HTR2C: variants seen among roughly 807,000 people sequenced by gnomAD.
HTR2C encodes 5-hydroxytryptamine (serotonin) receptor 2C, G protein-coupled.
In HTR2C, 5 loss-of-function variants were observed where a neutral mutation model predicts 21.0. The observed-to-expected ratio is 0.24, with a 90% CI of 0.12 to 0.50. The LOEUF is 0.50. Among genes scored for constraint, HTR2C ranks in the 20% least tolerant of loss-of-function variants. HTR2C has a pLI of 0.98. For missense variants in HTR2C, 271 were observed against 371.2 expected, an observed-to-expected ratio of 0.73 and a Z score of 2.22; for synonymous variants, 150 against 145.3, an observed-to-expected ratio of 1.03 and a Z score of -0.23.
At chrX:114,607,797 G>T (rs1430767238) in intron 1 of HTR2C, among the ~76,000 whole-genome samples, 1 of 110,986 alleles carries the variant, frequency 9.0e-6, no homozygotes, top group Non-Finnish European at 1.9e-5. Context: ...TTCAAGACCA[G>T]CCTGGCCAAC....
chrX:114,722,976 C>G (rs1455195332), intron 2 of HTR2C, among the ~76,000 whole-genome samples: 1 of 111,146 alleles, frequency 9.0e-6, no homozygotes, highest in Non-Finnish European at 1.9e-5. Flanking sequence ...CTAAAATTCT[C>G]TTTTTTGGTT....
chrX:114,726,987 C>A lies in HTR2C; in HGVS notation c.35+16C>A. On this transcript the variant is annotated intron_variant, in intron 3 of 5. Coordinates refer to ENST00000276198, the MANE Select transcript of HTR2C (RefSeq NM_000868.4). ...ATTCATTCCTGTAAGGATGTTACTA[C>A]TTATTATTTTAGTAAAAAGATAACT... The A allele has an allele frequency of 9.8e-7, 1 of 1,018,467 alleles. No individual in the cohort carries two copies. Among genetic ancestry groups the A allele is most frequent in the Non-Finnish European group, 1.3e-6 (1 of 758,712 alleles). The allele number at this position is 1,018,467 out of a possible 1,213,427, so 83.9% of individuals were successfully genotyped here.
chrX:114,854,009 C>A (rs189736158), intron 5 of HTR2C, among the ~76,000 whole-genome samples: 1 of 111,681 alleles, frequency 9.0e-6, no homozygotes, highest in Admixed American at 9.5e-5. Flanking sequence ...AACTTTACTG[C>A]CAAACCTATA....
At chrX:114,722,530 G>A (rs1556420924) in intron 2 of HTR2C, among the ~76,000 whole-genome samples, 1 of 110,738 alleles carries the variant, frequency 9.0e-6, no homozygotes, top group African/African-American at 3.3e-5. Context: ...TGATCGCCCT[G>A]GCCAGCACTT....
chrX:114,609,119 G>GT (rs1437581124), intron 1 of HTR2C, among the ~76,000 whole-genome samples: 2 of 111,305 alleles, frequency 1.8e-5, no homozygotes, highest in African/African-American at 6.5e-5. Flanking sequence ...AGGAACTTTG[G>GT]TTGGTATGTA....
chrX:114,604,055 G>T (rs1752909356), intron 1 of HTR2C, among the ~76,000 whole-genome samples: 1 of 107,745 alleles, frequency 9.3e-6, no homozygotes, highest in Admixed American at 1.0e-4. Flanking sequence ...TTGGCGTTGA[G>T]TGGGGTAAGA....
At chrX:114,793,720 T>C (rs188043692) in intron 4 of HTR2C, among the ~76,000 whole-genome samples, 1 of 110,116 alleles carries the variant, frequency 9.1e-6, no homozygotes, top group East Asian at 2.9e-4. Flanking sequence ...AACAACACCT[T>C]AGGCTTTTTT....
Position 114,907,452 on chromosome X carries a change from A to G in HTR2C, c.*37A>G. 1 of 1,011,303 alleles carries G rather than the reference A, an allele frequency of 9.9e-7. No homozygotes were observed. The highest frequency in any genetic ancestry group is 1.4e-6 in the Non-Finnish European group (1 of 732,802). 83.3% of individuals were successfully genotyped at this position (1,011,303 alleles called of 1,213,427 possible). The stretch of plus-strand genomic sequence containing the variant: ...ACAGTCTTTTCCTACGGTACAAGCT[A>G]CATATGTAGGAAAATTTTCTTCTTT... On this transcript the variant is annotated 3_prime_UTR_variant, in exon 6 of 6. Transcript: ENST00000276198.
intron 2 of HTR2C, among the ~76,000 whole-genome samples, chrX:114,647,934 G>T (rs1363924438): frequency 2.7e-5 from 3 of 112,371 alleles, no homozygotes; most frequent in East Asian, 5.6e-4. Context: ...CACCCATCCT[G>T]TGTTAATGGC....
At chrX:114,767,993 G>C (rs2069963164) in intron 4 of HTR2C, among the ~76,000 whole-genome samples, 1 of 110,545 alleles carries the variant, frequency 9.0e-6, no homozygotes, top group Non-Finnish European at 1.9e-5. Flanking sequence ...AGTATAATTT[G>C]TTTGGTTACT....
Position 114,584,491 on chromosome X carries a change from C to T in HTR2C, c.-315C>T, listed in dbSNP as rs931499790. The T allele has an allele frequency of 8.8e-6, 1 of 113,212 alleles. No individual in the cohort carries two copies. The highest frequency in any genetic ancestry group is 3.2e-5 in the African/African-American group (1 of 31,161). The allele number at this position is 113,212 out of a possible 1,213,427, so 9.3% of individuals were successfully genotyped here. A position where few individuals can be genotyped will look rare whatever the true frequency, so the allele number is the denominator to read the frequency against. ...CGCCGGCGCTTCCTATCGCGCCGAG[C>T]TCCCTCCATTCCTCTCCCTCCGCCG... On this transcript the variant is annotated 5_prime_UTR_variant, in exon 1 of 6. Coordinates refer to ENST00000276198, the MANE Select transcript of HTR2C (RefSeq NM_000868.4).
At chrX:114,798,387 G>A (rs1373589653) in intron 4 of HTR2C, among the ~76,000 whole-genome samples, 1 of 111,448 alleles carries the variant, frequency 9.0e-6, no homozygotes, top group Middle Eastern at 4.2e-3. Flanking sequence ...CCTGGCCTTG[G>A]TTATGCCAAG....
intron 4 of HTR2C, among the ~76,000 whole-genome samples, chrX:114,786,727 T>C (rs1378572894): frequency 1.3e-4 from 14 of 111,535 alleles, no homozygotes; most frequent in African/African-American, 4.6e-4. Context: ...CAATTTGATA[T>C]GACTCAGACT....
chrX:114,734,062 A>G (rs1556423915), intron 4 of HTR2C, among the ~76,000 whole-genome samples: 1 of 111,577 alleles, frequency 9.0e-6, no homozygotes, highest in African/African-American at 3.3e-5. Context: ...GGTCAAAAAA[A>G]TAGGACAGCA....
chrX:114,701,063 G>A (rs1010251944), intron 2 of HTR2C, among the ~76,000 whole-genome samples: 33 of 112,160 alleles, frequency 2.9e-4, no homozygotes, highest in Admixed American at 5.6e-4. Context: ...CGGGAAGCTC[G>A]AACTGGGTGG....
rs2070897386 is a variant in HTR2C at position 114,849,289 on chromosome X, TACAC to T, written c.550+1088_550+1091del. Among the ~76,000 whole-genome samples, 5 of 112,086 alleles carry T rather than the reference TACAC, an allele frequency of 4.5e-5. No individual in the cohort carries two copies. In the South Asian group the frequency reaches 1.8e-3, roughly 41 times the overall value. On this transcript the variant is annotated intron_variant, in intron 5 of 5. Coordinates refer to ENST00000276198, the MANE Select transcript of HTR2C (RefSeq NM_000868.4). ...GCTTTTATGGTGCTTACAAAGGAAA[TACAC>T]AGACAGAATATTGTTGCATCAGCTT...
intron 4 of HTR2C, among the ~76,000 whole-genome samples, chrX:114,737,467 G>C (rs782762440): frequency 1.8e-5 from 2 of 110,703 alleles, no homozygotes; most frequent in African/African-American, 6.6e-5. Context: ...TGATCCGCCC[G>C]CCTCAGTCTC....
At chrX:114,775,276 CT>C (rs2070045338) in intron 4 of HTR2C, 4 of 522,799 alleles carry the variant, frequency 7.7e-6, no homozygotes, top group African/African-American at 6.9e-5. Flanking sequence ...ATCGTGTTCT[CT>C]TTTCCTACAC....
chrX:114,871,687 A>G (rs1480371599), intron 5 of HTR2C, among the ~76,000 whole-genome samples: 2 of 109,412 alleles, frequency 1.8e-5, no homozygotes, highest in Admixed American at 2.0e-4. Flanking sequence ...GAGACAAGGA[A>G]TGTTATCTTC....
Sources: allele counts gnomAD v4.1 joint callset (sites outside exome capture counted in the v4.1 genomes callset), GRCh38; gene constraint gnomAD v4.1.1; transcripts MANE v1.5; gene names NCBI Gene and HGNC (gene_info 2026-07-23, HGNC 2026-07-21).